RASGRF2: variants seen among roughly 807,000 people sequenced by gnomAD.
RASGRF2 encodes ras-specific guanine nucleotide-releasing factor 2.
RASGRF2 carries 76 observed loss-of-function variants against 151.0 expected under a neutral mutation model. That is an observed-to-expected ratio of 0.50 (90% CI 0.42 to 0.61). RASGRF2 has a LOEUF of 0.61. RASGRF2 is among the 20% of genes least tolerant of loss of function. The probability of loss-of-function intolerance (pLI) is 0.00; values close to 1 mark genes in which losing one functional copy is unlikely to be tolerated. For missense variants in RASGRF2, 1,148 were observed against 1,564.6 expected, an observed-to-expected ratio of 0.73 and a Z score of 4.49; for synonymous variants, 504 against 566.5, an observed-to-expected ratio of 0.89 and a Z score of 1.57.
intron 16 of RASGRF2, among the ~76,000 whole-genome samples, chr5:81,124,238 A>G (rs1753391648): frequency 6.6e-6 from 1 of 152,232 alleles, no homozygotes; most frequent in African/African-American, 2.4e-5. Context: ...CCAATACCCT[A>G]CAGGAAACAA....
intron 18 of RASGRF2, among the ~76,000 whole-genome samples, chr5:81,194,938 C>T (rs1042448544): frequency 6.6e-6 from 1 of 152,240 alleles, no homozygotes; most frequent in African/African-American, 2.4e-5. Flanking sequence ...ATATAAACGT[C>T]TTGCATTTTC....
chr5:80,976,901 T>C (rs1000322439), intron 1 of RASGRF2, among the ~76,000 whole-genome samples: 2 of 152,226 alleles, frequency 1.3e-5, no homozygotes, highest in African/African-American at 4.8e-5. Context: ...GTGAATACCA[T>C]GTTGCCACAC....
At chr5:81,080,053 A>C (rs72769300) in intron 5 of RASGRF2, 68 bp from the exon 6 acceptor site, 121,552 of 1,535,170 alleles carry the variant, frequency 0.079, 5,374 homozygotes, top group South Asian at 0.14. Context: ...GGCTTTAAGG[A>C]CTCTGGATTT....
intron 17 of RASGRF2, among the ~76,000 whole-genome samples, chr5:81,173,685 A>T (rs1754709207): frequency 6.6e-6 from 1 of 152,226 alleles, no homozygotes; most frequent in Admixed American, 6.5e-5. Context: ...AGATTGGTTC[A>T]ATGGGCAATA....
chr5:81,217,548 C>T, intron 25 of RASGRF2, 75 bp downstream of exon 25: 1 of 473,284 alleles, frequency 2.1e-6, no homozygotes, highest in South Asian at 4.8e-5. Context: ...TAATAAAAGT[C>T]AATGTCTGCT....
At chr5:81,007,022 C>T (rs1167053602) in intron 1 of RASGRF2, among the ~76,000 whole-genome samples, 3 of 152,196 alleles carry the variant, frequency 2.0e-5, no homozygotes, top group Non-Finnish European at 4.4e-5. Flanking sequence ...CTCCCTTTCT[C>T]CTCAGAAGGG....
At chr5:81,206,811 T>C in intron 19 of RASGRF2, 34 bp from the exon 20 acceptor site, 1 of 1,565,942 alleles carries the variant, frequency 6.4e-7, no homozygotes, top group South Asian at 1.1e-5. Flanking sequence ...GTCTATTTTT[T>C]CTTTCATGGA....
intron 17 of RASGRF2, among the ~76,000 whole-genome samples, chr5:81,166,198 A>G (rs554842348): frequency 1.3e-5 from 2 of 151,564 alleles, no homozygotes; most frequent in African/African-American, 4.8e-5. Flanking sequence ...CTTTTTTTGT[A>G]TTTTTTGAGA....
At chr5:81,216,360 CACACACACGCACACACACACACACAA>C (rs1169383356) in intron 24 of RASGRF2, among the ~76,000 whole-genome samples, 1 of 130,938 alleles carries the variant, frequency 7.6e-6, no homozygotes, top group African/African-American at 3.0e-5. Context: ...CACACACACA[CACACACACGCACACACACACACACAA>C]ACACACACAC....
intron 1 of RASGRF2, among the ~76,000 whole-genome samples, chr5:80,961,525 C>A (rs1355246023): frequency 6.6e-6 from 1 of 152,222 alleles, no homozygotes; most frequent in Non-Finnish European, 1.5e-5. Flanking sequence ...GCCGGACAGA[C>A]ACTTTCTGTT....
intron 1 of RASGRF2, among the ~76,000 whole-genome samples, chr5:81,029,017 G>C (rs532989145): frequency 6.6e-6 from 1 of 152,226 alleles, no homozygotes; most frequent in African/African-American, 2.4e-5. Context: ...CGCCTGGCTC[G>C]GAGGGTCCCA....
At chr5:81,161,240 T>C (rs1754376935) in intron 17 of RASGRF2, among the ~76,000 whole-genome samples, 1 of 152,142 alleles carries the variant, frequency 6.6e-6, no homozygotes, top group Non-Finnish European at 1.5e-5. Flanking sequence ...GCATAACTAG[T>C]TGGCCACTGC....
intron 17 of RASGRF2, among the ~76,000 whole-genome samples, chr5:81,135,107 G>A (rs1459477101): frequency 6.7e-6 from 1 of 149,944 alleles, no homozygotes; most frequent in African/African-American, 2.5e-5. Context: ...AGGAGTTCAA[G>A]ACCAACCTGG....
In RASGRF2 at chr5:81,094,845, A is replaced by G. The variant is rs756284648; in HGVS notation, c.1619-11A>G. ...ATTCTCATCTAATTGTTTGCTTTAC[A>G]TGTGTTCAAGCTAAAGGTTCTGGGC... On this transcript the variant is annotated splice_polypyrimidine_tract_variant and intron_variant, in intron 11 of 26. Coordinates refer to ENST00000265080, the MANE Select transcript of RASGRF2 (RefSeq NM_006909.3). 6.3e-7 allele frequency: 1 copy of G among 1,586,802 alleles called. No homozygotes were observed. Among genetic ancestry groups the G allele is most frequent in the South Asian group, 1.1e-5 (1 of 90,116 alleles).
chr5:81,190,760 C>T (rs961754492), intron 18 of RASGRF2, among the ~76,000 whole-genome samples: 54 of 152,154 alleles, frequency 3.5e-4, no homozygotes, highest in African/African-American at 1.3e-3. Context: ...ACATTTACAG[C>T]AGGATTTATT....
intron 4 of RASGRF2, among the ~76,000 whole-genome samples, chr5:81,072,124 C>T (rs950992831): frequency 1.3e-5 from 2 of 152,198 alleles, no homozygotes; most frequent in Non-Finnish European, 2.9e-5. Context: ...ATGAATGAAT[C>T]GTTTCTCTAT....
intron 1 of RASGRF2, among the ~76,000 whole-genome samples, chr5:80,973,692 C>A (rs761282840): frequency 6.6e-6 from 1 of 152,182 alleles, no homozygotes; most frequent in Admixed American, 6.5e-5. Context: ...TATGATACTC[C>A]ATAATCACCT....
At chr5:81,061,450 A>G (rs1397440677) in intron 2 of RASGRF2, among the ~76,000 whole-genome samples, 1 of 150,306 alleles carries the variant, frequency 6.7e-6, no homozygotes, top group East Asian at 1.9e-4. Flanking sequence ...CCTGAGTACT[A>G]TTTTTCTAAA....
chr5:81,090,152 A>C (rs984365594), intron 9 of RASGRF2, among the ~76,000 whole-genome samples: 3 of 152,226 alleles, frequency 2.0e-5, no homozygotes, highest in Non-Finnish European at 4.4e-5. Flanking sequence ...GTGTTCTCTG[A>C]AATTTTAACT....
Sources: allele counts gnomAD v4.1 joint callset (sites outside exome capture counted in the v4.1 genomes callset), GRCh38; gene constraint gnomAD v4.1.1; transcripts MANE v1.5; gene names NCBI Gene and HGNC (gene_info 2026-07-23, HGNC 2026-07-21).